Variants in IGFL2 observed in about 807,000 individuals in gnomAD.
The protein encoded by IGFL2 is insulin growth factor-like family member 2.
IGFL2 carries 7 observed loss-of-function variants against 13.9 expected under a neutral mutation model. The observed-to-expected ratio is 0.51, with a 90% confidence interval of 0.29 to 0.95. IGFL2 has a LOEUF of 0.95. Among genes scored for constraint, IGFL2 ranks in the 40% least tolerant of loss-of-function variants. The probability of loss-of-function intolerance (pLI) is 0.08; values close to 1 mark genes in which losing one functional copy is unlikely to be tolerated. For missense variants in IGFL2, 138 were observed against 147.8 expected (o/e 0.93, Z 0.34); for synonymous variants, 55 against 55.8 (o/e 0.99, Z 0.07).
the IGFL2 span, among the ~76,000 whole-genome samples, chr19:46,170,811 C>T: frequency 5.3e-5 from 8 of 152,236 alleles, no homozygotes; most frequent in Admixed American, 3.9e-4. Flanking sequence ...TCCAGCCTGG[C>T]GAATTCTAGT....
the IGFL2 span, chr19:46,120,260 T>C: frequency 6.2e-7 from 1 of 1,602,948 alleles, no homozygotes; most frequent in East Asian, 2.3e-5. Flanking sequence ...AGTTCAACTG[T>C]AGTCTCCGAT....
chr19:46,206,260 A>G, the IGFL2 span, among the ~76,000 whole-genome samples: 13 of 152,234 alleles, frequency 8.5e-5, no homozygotes, highest in African/African-American at 3.1e-4. Context: ...GCCCTGACAG[A>G]TGGGGACCAA....
the IGFL2 span, among the ~76,000 whole-genome samples, chr19:46,188,103 C>T: frequency 6.6e-6 from 1 of 152,172 alleles, no homozygotes; most frequent in Admixed American, 6.5e-5. Flanking sequence ...GAACACTAGG[C>T]ATAAATGGGG....
At chr19:46,097,354 G>T in the IGFL2 span, among the ~76,000 whole-genome samples, 1 of 152,172 alleles carries the variant, frequency 6.6e-6, no homozygotes, top group Admixed American at 6.5e-5. Flanking sequence ...TGCAGGGTCA[G>T]TGGTGCTATC....
At chr19:46,106,579 G>A in the IGFL2 span, among the ~76,000 whole-genome samples, 2 of 152,244 alleles carry the variant, frequency 1.3e-5, no homozygotes, top group East Asian at 3.9e-4. Flanking sequence ...GAGGTATTGA[G>A]GATAGGAGAG....
At chr19:46,179,012 A>G in the IGFL2 span, among the ~76,000 whole-genome samples, 1 of 152,164 alleles carries the variant, frequency 6.6e-6, no homozygotes, top group Admixed American at 6.5e-5. Context: ...AGCAGAGAGA[A>G]GAGGCAGAGA....
chr19:46,153,576 A>G (rs1011185269), intron 1 of IGFL2, among the ~76,000 whole-genome samples: 2 of 152,036 alleles, frequency 1.3e-5, no homozygotes, highest in East Asian at 3.8e-4. Context: ...GTTTTATGCC[A>G]TTACTTTTAA....
At chr19:46,106,866 A>G in the IGFL2 span, among the ~76,000 whole-genome samples, 4 of 152,136 alleles carry the variant, frequency 2.6e-5, no homozygotes, top group African/African-American at 9.7e-5. Context: ...TCAGTCGCCA[A>G]GGAGGGAGTA....
chr19:46,163,707 A>C (rs895187789), downstream of IGFL2, among the ~76,000 whole-genome samples: 2 of 152,176 alleles, frequency 1.3e-5, no homozygotes, highest in African/African-American at 4.8e-5. Flanking sequence ...TAGCTCTGGC[A>C]GGGGGTGGCT....
chr19:46,082,711 T>C, the IGFL2 span, among the ~76,000 whole-genome samples: 1 of 151,910 alleles, frequency 6.6e-6, no homozygotes, highest in Non-Finnish European at 1.5e-5. Flanking sequence ...GCAGCCTTGA[T>C]CTTCTGGGCT....
At chr19:46,126,667 C>T in the IGFL2 span, among the ~76,000 whole-genome samples, 4 of 152,296 alleles carry the variant, frequency 2.6e-5, no homozygotes, top group African/African-American at 9.6e-5. Context: ...TTTACGTCAT[C>T]GTCTTCTATT....
the IGFL2 span, among the ~76,000 whole-genome samples, chr19:46,211,231 C>T: frequency 3.9e-5 from 6 of 152,194 alleles, no homozygotes; most frequent in African/African-American, 1.4e-4. Flanking sequence ...TACGAAGGAT[C>T]CTGCCAGAGC....
At chr19:46,146,493 A>G (rs2146824513), upstream of IGFL2, among the ~76,000 whole-genome samples, 1 of 152,294 alleles carries the variant, frequency 6.6e-6, no homozygotes, top group South Asian at 2.1e-4. Flanking sequence ...CTCTCAGACA[A>G]ATCCTGCTTG....
chr19:46,197,915 C>G, the IGFL2 span, among the ~76,000 whole-genome samples: 2 of 151,652 alleles, frequency 1.3e-5, no homozygotes, highest in African/African-American at 4.9e-5. Context: ...TTGTCTTGAA[C>G]TCCTGAGCTT....
the IGFL2 span, among the ~76,000 whole-genome samples, chr19:46,083,411 T>A: frequency 2.0e-5 from 3 of 152,198 alleles, no homozygotes; most frequent in Non-Finnish European, 2.9e-5. Flanking sequence ...CATTATCCCA[T>A]AAAGACTAAA....
At chr19:46,127,124 A>T in the IGFL2 span, among the ~76,000 whole-genome samples, 2 of 152,138 alleles carry the variant, frequency 1.3e-5, no homozygotes, top group African/African-American at 4.8e-5. Context: ...AGTGGCTGAC[A>T]CCTGTAATCC....
At chr19:46,125,890 A>G in the IGFL2 span, among the ~76,000 whole-genome samples, 1 of 152,228 alleles carries the variant, frequency 6.6e-6, no homozygotes, top group Admixed American at 6.5e-5. Flanking sequence ...TTAATATACA[A>G]TTATCATTCT....
At chr19:46,140,189 C>A (rs1014104941), upstream of IGFL2, among the ~76,000 whole-genome samples, 4 of 151,600 alleles carry the variant, frequency 2.6e-5, no homozygotes, top group Admixed American at 6.6e-5. Context: ...TCAGGTGATC[C>A]ACACACCTCA....
At chr19:46,102,872 T>C in the IGFL2 span, among the ~76,000 whole-genome samples, 1 of 152,144 alleles carries the variant, frequency 6.6e-6, no homozygotes, top group Non-Finnish European at 1.5e-5. Context: ...TCATGGCTGC[T>C]TTGAGCAGGA....
Sources: gnomAD v4.1 joint callset for allele counts (sites outside exome capture counted in the v4.1 genomes callset) on GRCh38, gnomAD v4.1.1 for gene constraint, MANE v1.5 for transcripts, NCBI Gene and HGNC (gene_info 2026-07-23, HGNC 2026-07-21) for gene names.